ERICH1: variants seen among roughly 807,000 people sequenced by gnomAD.
ERICH1 encodes the protein glutamate-rich protein 1.
In ERICH1, 56 loss-of-function variants were observed where a neutral mutation model predicts 39.6. That is an observed-to-expected ratio of 1.41 (90% CI 1.14 to 1.77). The LOEUF (loss-of-function observed/expected upper bound fraction) is 1.77. Ranked by LOEUF, ERICH1 falls within the 40% of genes most tolerant of loss-of-function variation. The probability of loss-of-function intolerance (pLI) is 0.00; values close to 1 mark genes in which losing one functional copy is unlikely to be tolerated. For synonymous variants in ERICH1, 313 were observed against 223.6 expected, an observed-to-expected ratio of 1.40 and a Z score of -3.57; for missense variants, 826 against 575.4, an observed-to-expected ratio of 1.44 and a Z score of -4.45.
At chr8:718,569 A>C (rs1816567090) in intron 1 of ERICH1, among the ~76,000 whole-genome samples, 2 of 152,216 alleles carry the variant, frequency 1.3e-5, no homozygotes, top group Non-Finnish European at 2.9e-5. Flanking sequence ...AGGCGGGAAC[A>C]ATGTAAAGTC....
intron 3 of ERICH1, among the ~76,000 whole-genome samples, chr8:618,587 C>G (rs1221706072): frequency 2.0e-5 from 3 of 152,184 alleles, no homozygotes; most frequent in African/African-American, 7.2e-5. Context: ...TTTCAGAGAC[C>G]TTGGGCAACA....
At chr8:704,586 G>C (rs1242453159) in intron 2 of ERICH1, among the ~76,000 whole-genome samples, 1 of 152,152 alleles carries the variant, frequency 6.6e-6, no homozygotes, top group Non-Finnish European at 1.5e-5. Flanking sequence ...GGTGTTTACG[G>C]AGACATAAAC....
At chr8:698,242 G>A (rs1263416893) in intron 2 of ERICH1, among the ~76,000 whole-genome samples, 3 of 148,998 alleles carry the variant, frequency 2.0e-5, no homozygotes, top group African/African-American at 7.4e-5. Context: ...TTTTTGAGGT[G>A]GAGTCTCACT....
exon 4 of ERICH1, chr8:615,273 T>G (rs944567781): frequency 2.9e-5 from 20 of 694,910 alleles, no homozygotes. Flanking sequence ...GCTTTAAGTC[T>G]GCTTAGGACT....
At chr8:644,193 C>T (rs987728407) in intron 3 of ERICH1, among the ~76,000 whole-genome samples, 5 of 152,082 alleles carry the variant, frequency 3.3e-5, no homozygotes, top group Middle Eastern at 3.4e-3. Flanking sequence ...CTGGCCCCAT[C>T]CTAAGGCAAG....
At chr8:637,749 C>G (rs1798555048) in intron 3 of ERICH1, among the ~76,000 whole-genome samples, 1 of 152,222 alleles carries the variant, frequency 6.6e-6, no homozygotes, top group Admixed American at 6.5e-5. Flanking sequence ...GCAGTTCCTA[C>G]CACAGAAGCC....
chr8:723,199 C>T (rs533991691), intron 1 of ERICH1, among the ~76,000 whole-genome samples: 3 of 152,340 alleles, frequency 2.0e-5, no homozygotes, highest in African/African-American at 4.8e-5. Context: ...AGAGTGGAAG[C>T]TTCCCGACGG....
At chr8:701,940 A>C (rs1216652691) in intron 2 of ERICH1, among the ~76,000 whole-genome samples, 1 of 151,896 alleles carries the variant, frequency 6.6e-6, no homozygotes, top group Admixed American at 6.6e-5. Flanking sequence ...AAATACAAAA[A>C]TTAGCCAGGC....
Position 668,698 on chromosome 8 carries a change from C to T in ERICH1, c.1158G>A (p.Val386=), listed in dbSNP as rs755275460. ...LASHSMLPSD[V]SILYHMKTLL... Reference sequence around the variant, plus strand: ...GCGTTTTCATGTGGTACAGGATGGACACGTCTGAGGGCAGCATGCTGTGTG... The same window carrying T: ...GCGTTTTCATGTGGTACAGGATGGATACGTCTGAGGGCAGCATGCTGTGTG... Residue 386 remains valine (V), a synonymous_variant, in exon 5 of 6, where the codon GTG becomes GTA. Coordinates refer to ENST00000262109, the MANE Select transcript of ERICH1 (RefSeq NM_207332.3). 3.1e-6 allele frequency: 5 copies of T among 1,613,996 alleles called. No individual in the cohort carries two copies. Among genetic ancestry groups the T allele is most frequent in the Non-Finnish European group, 4.2e-6 (5 of 1,180,046 alleles).
At chr8:666,308 G>A (rs1027557272) in intron 5 of ERICH1, 4 of 152,126 alleles carry the variant, frequency 2.6e-5, no homozygotes, top group African/African-American at 9.7e-5. Context: ...AGTTAAAATC[G>A]CTTACTTTCA....
chr8:689,936 A>T (rs1371344807), intron 3 of ERICH1, among the ~76,000 whole-genome samples: 1 of 152,014 alleles, frequency 6.6e-6, no homozygotes, highest in Non-Finnish European at 1.5e-5. Flanking sequence ...CAGATAAGTG[A>T]GTTCGCCTGC....
chr8:628,893 G>A (rs112337215), intron 3 of ERICH1, among the ~76,000 whole-genome samples: 144 of 152,136 alleles, frequency 9.5e-4, no homozygotes, highest in African/African-American at 3.1e-3. Context: ...AAGCCCTTCC[G>A]CTCACGAACC....
intron 3 of ERICH1, chr8:625,589 G>A (rs989470516): frequency 1.3e-5 from 2 of 152,196 alleles, no homozygotes; most frequent in African/African-American, 4.8e-5. Context: ...AAAAGCTGTT[G>A]AATTACACAC....
intron 2 of ERICH1, among the ~76,000 whole-genome samples, chr8:694,686 G>C (rs994979641): frequency 1.3e-5 from 2 of 152,160 alleles, no homozygotes; most frequent in African/African-American, 2.4e-5. Flanking sequence ...TGTGAATCAC[G>C]GTGACCATGT....
rs530545464 is a variant in ERICH1 at position 665,549 on chromosome 8, A to G, written c.1259-873T>C. 7.2e-5 allele frequency among the ~76,000 whole-genome samples: 11 copies of G among 152,364 alleles called. 1 individual carries two copies. In the South Asian group the frequency reaches 2.1e-3, roughly 29 times the overall value. On this transcript the variant is annotated intron_variant, in intron 5 of 5. Coordinates refer to ENST00000262109, the MANE Select transcript of ERICH1 (RefSeq NM_207332.3). ...CCCAGGGGCAAGTTGCCTGAGCTCT[A>G]GAAAGCCCCAACAGTCAGGATGATA...
At chr8:656,663 C>CTTT (rs1195757766) in intron 3 of ERICH1, 1 of 862,154 alleles carries the variant, frequency 1.2e-6, no homozygotes. Flanking sequence ...AATTTTGGGG[C>CTTT]TTACTTGCCT....
chr8:680,859 T>C (rs1805964026), intron 3 of ERICH1, among the ~76,000 whole-genome samples: 1 of 152,204 alleles, frequency 6.6e-6, no homozygotes, highest in South Asian at 2.1e-4. Context: ...GCCCCACTTC[T>C]GTGAGTCCTG....
intron 3 of ERICH1, among the ~76,000 whole-genome samples, chr8:638,905 G>A (rs1163653893): frequency 6.6e-6 from 1 of 151,632 alleles, no homozygotes; most frequent in Non-Finnish European, 1.5e-5. Context: ...GCCTTGTTCT[G>A]ACCCACACTT....
Position 673,740 on chromosome 8 carries a change from C to A in ERICH1, c.612G>T (p.Glu204Asp). The change falls in exon 4 of 6, where the codon GAG (glutamate) becomes GAT (aspartate). Residue 204 changes from glutamate to aspartate, a missense_variant. Transcript: ENST00000262109. ...DSSNEGEGVGEACEEDGVDTS... is the reference protein window; with the variant it reads ...DSSNEGEGVGDACEEDGVDTS... ...TGTCCACACCATCCTCCTCACAAGC[C>A]TCTCCCACGCCTTCCCCTTCATTGC... The A allele has an allele frequency of 6.2e-7, 1 of 1,614,200 alleles. No homozygotes were observed. The highest frequency in any genetic ancestry group is 8.5e-7 in the Non-Finnish European group (1 of 1,180,026).
Sources: allele counts gnomAD v4.1 joint callset (sites outside exome capture counted in the v4.1 genomes callset), GRCh38; gene constraint gnomAD v4.1.1; transcripts MANE v1.5; gene names NCBI Gene and HGNC (gene_info 2026-07-23, HGNC 2026-07-21).